DTD1: variants seen among roughly 807,000 people sequenced by gnomAD.
The protein encoded by DTD1 is D-aminoacyl-tRNA deacylase 1.
Under a neutral mutation model 25.6 loss-of-function variants are expected in DTD1, and 13 were observed. The observed-to-expected ratio is 0.51, with a 90% CI of 0.33 to 0.81. The LOEUF is 0.81. Among genes scored for constraint, DTD1 ranks in the 30% least tolerant of loss-of-function variants. DTD1 has a pLI of 0.02. For synonymous variants in DTD1, 110 were observed against 103.6 expected, an observed-to-expected ratio of 1.06 and a Z score of -0.37; for missense variants, 193 against 266.4, an observed-to-expected ratio of 0.72 and a Z score of 1.92.
intron 4 of DTD1, among the ~76,000 whole-genome samples, chr20:18,689,947 G>C (rs1171268539): frequency 8.9e-5 from 1 of 11,176 alleles, no homozygotes. Flanking sequence ...GACCAGCCTG[G>C]GGCAACTTAG....
At chr20:18,610,703 A>G (rs2122275892) in intron 3 of DTD1, among the ~76,000 whole-genome samples, 1 of 152,294 alleles carries the variant, frequency 6.6e-6, no homozygotes, top group South Asian at 2.1e-4. Flanking sequence ...TGAGCCCAGG[A>G]GTTTAAGACC....
At chr20:18,751,080 T>TGTGTGTGTGG (rs2061319598) in intron 5 of DTD1, among the ~76,000 whole-genome samples, 2 of 152,018 alleles carry the variant, frequency 1.3e-5, no homozygotes, top group East Asian at 1.9e-4. Flanking sequence ...TGTGTGTGTG[T>TGTGTGTGTGG]GTGTGGGTGT....
intron 4 of DTD1, among the ~76,000 whole-genome samples, chr20:18,743,178 C>T (rs1461340992): frequency 7.2e-5 from 11 of 152,256 alleles, no homozygotes; most frequent in Non-Finnish European, 1.2e-4. Context: ...AGGTTCCATT[C>T]GAGTGAGACA....
At chr20:18,646,274 G>A (rs2060850066) in intron 4 of DTD1, among the ~76,000 whole-genome samples, 1 of 152,168 alleles carries the variant, frequency 6.6e-6, no homozygotes, top group Non-Finnish European at 1.5e-5. Context: ...TGTCCTCATG[G>A]GTTTGTAAGG....
chr20:18,655,055 G>A (rs2060886986), intron 4 of DTD1, among the ~76,000 whole-genome samples: 1 of 152,182 alleles, frequency 6.6e-6, no homozygotes, highest in Non-Finnish European at 1.5e-5. Context: ...ATTTCAAAGA[G>A]TGTTTTTGGT....
chr20:18,745,594 G>A (rs2061296980), intron 5 of DTD1, among the ~76,000 whole-genome samples: 1 of 152,192 alleles, frequency 6.6e-6, no homozygotes, highest in Non-Finnish European at 1.5e-5. Context: ...AGGGGCAAGG[G>A]CAGGGGAGAG....
intron 4 of DTD1, among the ~76,000 whole-genome samples, chr20:18,743,689 A>AAAAAGAAAAG (rs1555804072): frequency 8.3e-6 from 1 of 121,000 alleles, no homozygotes; most frequent in Non-Finnish European, 1.7e-5. Context: ...AAAAAAAAAA[A>AAAAAGAAAAG]AAAAGAAAAG....
chr20:18,734,489 C>T (rs372179482), intron 4 of DTD1, among the ~76,000 whole-genome samples: 5 of 152,206 alleles, frequency 3.3e-5, no homozygotes, highest in African/African-American at 4.8e-5. Context: ...GTGGGCTTCT[C>T]AGGCTACTGT....
chr20:18,634,418 T>C (rs2060799755), intron 4 of DTD1, among the ~76,000 whole-genome samples: 1 of 152,198 alleles, frequency 6.6e-6, no homozygotes, highest in Non-Finnish European at 1.5e-5. Context: ...TTTAGTGCCA[T>C]CGAAGCCCTC....
chr20:18,708,634 G>A (rs1019822750), intron 4 of DTD1, among the ~76,000 whole-genome samples: 5 of 151,652 alleles, frequency 3.3e-5, no homozygotes, highest in Non-Finnish European at 7.4e-5. Context: ...GAGATTCCAG[G>A]CATGAGCCAC....
chr20:18,609,906 C>T (rs1386235969), intron 3 of DTD1, among the ~76,000 whole-genome samples: 3 of 152,212 alleles, frequency 2.0e-5, no homozygotes, highest in Non-Finnish European at 2.9e-5. Flanking sequence ...AAGTGGTTTG[C>T]TGCAAACATG....
chr20:18,595,975 A>C (rs1245959919), intron 2 of DTD1, 31 bp from the exon 3 acceptor site: 1 of 1,594,122 alleles, frequency 6.3e-7, no homozygotes, highest in Non-Finnish European at 8.6e-7. Context: ...GTGATCTCTC[A>C]GGTAGCTCTC....
At chr20:18,622,147 A>T (rs1308030699) in intron 3 of DTD1, among the ~76,000 whole-genome samples, 1 of 152,060 alleles carries the variant, frequency 6.6e-6, no homozygotes, top group Non-Finnish European at 1.5e-5. Context: ...TACATGTGCC[A>T]TGGTGTTTGC....
intron 4 of DTD1, among the ~76,000 whole-genome samples, chr20:18,701,597 A>G (rs1285774733): frequency 6.6e-6 from 1 of 152,170 alleles, no homozygotes; most frequent in Non-Finnish European, 1.5e-5. Flanking sequence ...GCACTATGTG[A>G]GCTGAATGCA....
chr20:18,666,418 G>T (rs1292636718), intron 4 of DTD1, among the ~76,000 whole-genome samples: 1 of 152,182 alleles, frequency 6.6e-6, no homozygotes, highest in Non-Finnish European at 1.5e-5. Flanking sequence ...TCTTAAAGGG[G>T]TTGAGAGGAT....
chr20:18,726,636 G>A (rs6075404), intron 4 of DTD1, among the ~76,000 whole-genome samples: 47,199 of 152,106 alleles, frequency 0.31, 8,116 homozygotes, highest in South Asian at 0.43. Flanking sequence ...ACTCCTTGTT[G>A]TCACTTAGTG....
chr20:18,662,036 T>C lies in DTD1; in HGVS notation c.477+33803T>C, dbSNP rs189482219. On this transcript the variant is annotated intron_variant, in intron 4 of 5. Coordinates refer to ENST00000377452, the MANE Select transcript of DTD1 (RefSeq NM_080820.6). The stretch of plus-strand genomic sequence containing the variant: ...GCATGGTGGTACAAGTCTGTAGTCC[T>C]AGCTACTTAGAAGGCTGAGGTGGGA... 2.5e-3 allele frequency among the ~76,000 whole-genome samples: 382 copies of C among 152,164 alleles called. 1 individual carries two copies. Among genetic ancestry groups the C allele is most frequent in the Admixed American group, 7.3e-3 (111 of 15,292 alleles).
intron 4 of DTD1, among the ~76,000 whole-genome samples, chr20:18,713,324 AC>A (rs2061167483): frequency 6.6e-6 from 1 of 152,068 alleles, no homozygotes; most frequent in African/African-American, 2.4e-5. Context: ...TCTTCCCCAA[AC>A]CTTTTTGCTC....
chr20:18,649,022 A>C (rs1191607432), intron 4 of DTD1, among the ~76,000 whole-genome samples: 2 of 147,254 alleles, frequency 1.4e-5, no homozygotes, highest in Admixed American at 1.4e-4. Context: ...AAAAAAAAGC[A>C]AATTTAACTT....
Sources: allele counts gnomAD v4.1 joint callset (sites outside exome capture counted in the v4.1 genomes callset), GRCh38; gene constraint gnomAD v4.1.1; transcripts MANE v1.5; gene names NCBI Gene and HGNC (gene_info 2026-07-23, HGNC 2026-07-21).